The following PDE10A variants were observed in gnomAD, a reference collection of about 807,000 sequenced individuals.
PDE10A encodes phosphodiesterase 10A.
A neutral mutation model predicts 97.7 loss-of-function variants in PDE10A; 39 were observed. That is an observed-to-expected ratio of 0.40 (90% CI 0.31 to 0.52). PDE10A has a LOEUF of 0.52. PDE10A is among the 20% of genes least tolerant of loss of function. The pLI is 0.56. For missense variants in PDE10A, 731 were observed against 1,047.8 expected (o/e 0.70, Z 4.17); for synonymous variants, 371 against 376.8 (o/e 0.98, Z 0.18).
intron 18 of PDE10A, among the ~76,000 whole-genome samples, chr6:165,367,416 T>C (rs1258302103): frequency 5.9e-5 from 9 of 152,102 alleles, no homozygotes; most frequent in African/African-American, 1.7e-4. Context: ...TAATAACCTG[T>C]AACACAGTAT....
intron 1 of PDE10A, among the ~76,000 whole-genome samples, chr6:165,896,032 T>G (rs1431114310): frequency 2.0e-5 from 3 of 152,122 alleles, no homozygotes; most frequent in Non-Finnish European, 4.4e-5. Flanking sequence ...CTTGATATGG[T>G]AGAGACCCAG....
At chr6:165,649,755 A>G (rs1246785312) in intron 1 of PDE10A, among the ~76,000 whole-genome samples, 2 of 152,190 alleles carry the variant, frequency 1.3e-5, no homozygotes, top group African/African-American at 4.8e-5. Flanking sequence ...ACTTGAGGCT[A>G]CATTTGCACT....
chr6:165,338,325 T>C (rs949748158), intron 20 of PDE10A, among the ~76,000 whole-genome samples: 12 of 152,224 alleles, frequency 7.9e-5, no homozygotes, highest in Non-Finnish European at 1.6e-4. Context: ...TGTGGACTTT[T>C]TTAAACATTT....
chr6:165,946,883 T>C (rs1173926861), intron 1 of PDE10A: 1 of 152,220 alleles, frequency 6.6e-6, no homozygotes, highest in Non-Finnish European at 1.5e-5. Context: ...TAAAATGAAA[T>C]GACTTTTTAC....
chr6:165,858,718 T>C (rs2128476257), intron 1 of PDE10A, among the ~76,000 whole-genome samples: 1 of 152,310 alleles, frequency 6.6e-6, no homozygotes, highest in Non-Finnish European at 1.5e-5. Context: ...AGACATCCAA[T>C]TCAGCATTGA....
chr6:165,628,922 C>A (rs547811621), intron 1 of PDE10A, among the ~76,000 whole-genome samples: 2 of 152,058 alleles, frequency 1.3e-5, no homozygotes, highest in South Asian at 4.2e-4. Context: ...ATTGAAAAGA[C>A]CCTTTAATTA....
intron 2 of PDE10A, among the ~76,000 whole-genome samples, chr6:165,535,361 C>T (rs1783018250): frequency 6.6e-6 from 1 of 151,678 alleles, no homozygotes; most frequent in Non-Finnish European, 1.5e-5. Context: ...AATTCTAATT[C>T]CTTACTCTCC....
intron 1 of PDE10A, among the ~76,000 whole-genome samples, chr6:165,765,386 G>T (rs890879556): frequency 2.0e-5 from 3 of 152,242 alleles, no homozygotes; most frequent in Admixed American, 6.5e-5. Flanking sequence ...ACGGAGGCGG[G>T]GGAAGGCTCA....
intron 1 of PDE10A, among the ~76,000 whole-genome samples, chr6:165,925,584 C>T (rs1782908760): frequency 6.6e-6 from 1 of 152,200 alleles, no homozygotes; most frequent in South Asian, 2.1e-4. Context: ...GATTACTCTC[C>T]AGTGAATTAT....
intron 2 of PDE10A, among the ~76,000 whole-genome samples, chr6:165,506,236 A>G (rs1234315974): frequency 6.6e-6 from 1 of 152,134 alleles, no homozygotes; most frequent in African/African-American, 2.4e-5. Context: ...GTTCCAAATC[A>G]ATTTTTTGAA....
intron 1 of PDE10A, among the ~76,000 whole-genome samples, chr6:165,879,553 G>T (rs1781422893): frequency 6.6e-6 from 1 of 152,122 alleles, no homozygotes; most frequent in South Asian, 2.1e-4. Context: ...GGTCCCTACA[G>T]CCATCCCTTG....
chr6:165,586,032 T>A (rs1006952774), intron 1 of PDE10A, among the ~76,000 whole-genome samples: 3 of 152,122 alleles, frequency 2.0e-5, no homozygotes, highest in African/African-American at 7.2e-5. Context: ...AGTTCACCAA[T>A]GTATAGTCAA....
At chr6:165,619,371 G>GTACTGTA (rs1562634555) in intron 1 of PDE10A, among the ~76,000 whole-genome samples, 9 of 7,672 alleles carry the variant, frequency 1.2e-3, no homozygotes, top group South Asian at 3.6e-3. Context: ...AGTGTAGTGT[G>GTACTGTA]GTGTAGTGTA....
At chr6:165,749,782 G>T (rs1467085967) in intron 1 of PDE10A, among the ~76,000 whole-genome samples, 1 of 152,124 alleles carries the variant, frequency 6.6e-6, no homozygotes, top group Non-Finnish European at 1.5e-5. Context: ...ATACTAAATA[G>T]GCAAATCAAA....
chr6:165,413,060 C>T (rs949298391), intron 13 of PDE10A, among the ~76,000 whole-genome samples: 1 of 151,878 alleles, frequency 6.6e-6, no homozygotes, highest in Non-Finnish European at 1.5e-5. Context: ...ACATGGACAA[C>T]CTGGTGCCTC....
intron 2 of PDE10A, among the ~76,000 whole-genome samples, chr6:165,504,757 A>T (rs1425765654): frequency 6.6e-6 from 1 of 152,188 alleles, no homozygotes; most frequent in Non-Finnish European, 1.5e-5. Context: ...TATTAAATAG[A>T]TTAAAAGAAA....
chr6:165,617,062 C>T (rs1037771290), intron 1 of PDE10A, among the ~76,000 whole-genome samples: 1 of 152,200 alleles, frequency 6.6e-6, no homozygotes, highest in Non-Finnish European at 1.5e-5. Flanking sequence ...AAAGAAAAGA[C>T]TGGCATATCC....
At chr6:165,538,367 A>G (rs1783225078) in intron 2 of PDE10A, among the ~76,000 whole-genome samples, 1 of 152,136 alleles carries the variant, frequency 6.6e-6, no homozygotes, top group Non-Finnish European at 1.5e-5. Context: ...CGGCTATTGA[A>G]TATTTTAGAC....
At chr6:165,806,336 G>C (rs1197409202) in intron 1 of PDE10A, among the ~76,000 whole-genome samples, 1 of 152,158 alleles carries the variant, frequency 6.6e-6, no homozygotes, top group African/African-American at 2.4e-5. Context: ...AAGGCTCCGC[G>C]TTCTCCATCA....
Sources: allele counts gnomAD v4.1 joint callset (sites outside exome capture counted in the v4.1 genomes callset), GRCh38; gene constraint gnomAD v4.1.1; transcripts MANE v1.5; gene names NCBI Gene and HGNC (gene_info 2026-07-23, HGNC 2026-07-21).